The following TAB2 variants were observed in gnomAD, a reference collection of about 807,000 sequenced individuals.
TAB2 encodes TGF-beta-activated kinase 1 and MAP3K7-binding protein 2.
A neutral mutation model predicts 65.0 loss-of-function variants in TAB2; 3 were observed. The ratio of observed to expected loss-of-function variants is 0.05; its 90% CI spans 0.02 to 0.12. The LOEUF is 0.12. TAB2 is among the 10% of genes least tolerant of loss of function. The pLI is 1.00. For synonymous variants in TAB2, 298 were observed against 285.1 expected (o/e 1.05, Z -0.46); for missense variants, 623 against 840.3 (o/e 0.74, Z 3.20).
chr6:149,312,690 C>A (rs898006667), intron 1 of TAB2, among the ~76,000 whole-genome samples: 3 of 152,162 alleles, frequency 2.0e-5, no homozygotes, highest in Non-Finnish European at 1.5e-5. Flanking sequence ...CGCTAAAATT[C>A]TTTGCTTTTC....
At chr6:149,370,228 G>A (rs1327802767) in intron 2 of TAB2, 129 bp downstream of exon 2, 1 of 850,696 alleles carries the variant, frequency 1.2e-6, no homozygotes. Context: ...ATAAGCTTTG[G>A]TGTCTGATAG....
At chr6:149,285,585 T>C (rs1778662408) in intron 1 of TAB2, among the ~76,000 whole-genome samples, 1 of 152,226 alleles carries the variant, frequency 6.6e-6, no homozygotes, top group Non-Finnish European at 1.5e-5. Context: ...ACTTGTGTGA[T>C]ACTTACATAC....
intron 1 of TAB2, among the ~76,000 whole-genome samples, chr6:149,333,515 G>A (rs928065555): frequency 1.3e-5 from 2 of 152,086 alleles, no homozygotes; most frequent in East Asian, 3.8e-4. Context: ...TGTCTTCTAC[G>A]CAGTCCTTCT....
intron 3 of TAB2, among the ~76,000 whole-genome samples, chr6:149,393,888 A>C (rs1377240412): frequency 6.6e-6 from 1 of 151,896 alleles, no homozygotes. Flanking sequence ...GCTGCCCTCA[A>C]GATTTTCTTT....
At chr6:149,234,952 T>C (rs751740334) in intron 1 of TAB2, among the ~76,000 whole-genome samples, 2 of 150,240 alleles carry the variant, frequency 1.3e-5, no homozygotes, top group Non-Finnish European at 3.0e-5. Flanking sequence ...GTAACAAGAA[T>C]AAACACTAAG....
intron 3 of TAB2, 145 bp from the exon 4 acceptor site, chr6:149,397,459 G>A: frequency 1.1e-6 from 1 of 883,154 alleles, no homozygotes; most frequent in Non-Finnish European, 1.8e-6. Context: ...AAAAAAAATT[G>A]AAATTTTAAA....
At chr6:149,381,049 G>A (rs1243441379) in intron 3 of TAB2, among the ~76,000 whole-genome samples, 1 of 152,144 alleles carries the variant, frequency 6.6e-6, no homozygotes, top group Non-Finnish European at 1.5e-5. Context: ...TGAGGTTGCA[G>A]GGCACCACTG....
At chr6:149,264,486 G>T (rs1412052167) in intron 1 of TAB2, among the ~76,000 whole-genome samples, 1 of 142,552 alleles carries the variant, frequency 7.0e-6, no homozygotes, top group Admixed American at 7.0e-5. Context: ...TACTTTTTTT[G>T]GTAAAAATTG....
chr6:149,315,028 A>G (rs1053459255), upstream of TAB2, among the ~76,000 whole-genome samples: 1 of 152,176 alleles, frequency 6.6e-6, no homozygotes, highest in Non-Finnish European at 1.5e-5. Flanking sequence ...ACTCCTAACT[A>G]TTTTTGTCCC....
chr6:149,328,811 A>G (rs917363583), intron 1 of TAB2, among the ~76,000 whole-genome samples: 2 of 152,176 alleles, frequency 1.3e-5, no homozygotes, highest in Non-Finnish European at 2.9e-5. Flanking sequence ...AGTGTCTCCT[A>G]TGGATAAGGA....
At chr6:149,321,176 C>T (rs1027055320) in intron 1 of TAB2, 1 of 152,046 alleles carries the variant, frequency 6.6e-6, no homozygotes, top group African/African-American at 2.4e-5. Flanking sequence ...TTCTGACACT[C>T]TATATATGTC....
chr6:149,326,744 C>T (rs1033513815), intron 1 of TAB2, among the ~76,000 whole-genome samples: 2 of 152,124 alleles, frequency 1.3e-5, no homozygotes, highest in African/African-American at 2.4e-5. Context: ...GACAGGGTTT[C>T]ACCATGTTGG....
At chr6:149,381,740 C>G (rs1244769812) in intron 3 of TAB2, among the ~76,000 whole-genome samples, 1 of 151,684 alleles carries the variant, frequency 6.6e-6, no homozygotes, top group Non-Finnish European at 1.5e-5. Context: ...ATCCAGCTAA[C>G]TTTTTGTATT....
Position 149,284,244 on chromosome 6 carries a change from A to C in TAB2, c.-121+65468A>C, listed in dbSNP as rs569233514. Among the ~76,000 whole-genome samples, 3 of 152,262 alleles carry C rather than the reference A, an allele frequency of 2.0e-5. No individual in the cohort carries two copies. In the East Asian group the frequency reaches 5.8e-4, roughly 29 times the overall value. Reference sequence around the variant, plus strand: ...AAAATGCTTTGTCCCCCACATACCCAGCCTGAGTGCCTCTTGCCAACCTCT... The same window carrying C: ...AAAATGCTTTGTCCCCCACATACCCCGCCTGAGTGCCTCTTGCCAACCTCT... On this transcript the variant is annotated intron_variant, in intron 1 of 1. Coordinates refer to the TAB2 transcript ENST00000606202.
chr6:149,371,166 A>C (rs1465671689), intron 2 of TAB2, among the ~76,000 whole-genome samples: 1 of 151,934 alleles, frequency 6.6e-6, no homozygotes, highest in African/African-American at 2.4e-5. Flanking sequence ...ATTTTTATCA[A>C]ATCTGTAATT....
chr6:149,277,823 A>G (rs1778504301), intron 1 of TAB2, among the ~76,000 whole-genome samples: 1 of 152,220 alleles, frequency 6.6e-6, no homozygotes. Flanking sequence ...GAGTCAAAAC[A>G]GAAACATCAG....
intron 1 of TAB2, among the ~76,000 whole-genome samples, chr6:149,271,948 G>A (rs1465150425): frequency 1.3e-5 from 2 of 152,080 alleles, no homozygotes; most frequent in Non-Finnish European, 2.9e-5. Context: ...AGCATCAACA[G>A]TGTCAGACGC....
intron 1 of TAB2, among the ~76,000 whole-genome samples, chr6:149,298,256 CAT>C (rs1274869176): frequency 6.6e-6 from 1 of 151,634 alleles, no homozygotes; most frequent in Admixed American, 6.6e-5. Context: ...TGGGAAAAGA[CAT>C]ATAGTTTTTA....
intron 1 of TAB2, among the ~76,000 whole-genome samples, chr6:149,326,183 A>G (rs1779610515): frequency 6.6e-6 from 1 of 152,210 alleles, no homozygotes; most frequent in Non-Finnish European, 1.5e-5. Flanking sequence ...TAATTATTAC[A>G]GCAAAATAGT....
Sources: gnomAD v4.1 joint callset for allele counts (sites outside exome capture counted in the v4.1 genomes callset) on GRCh38, gnomAD v4.1.1 for gene constraint, MANE v1.5 for transcripts, NCBI Gene and HGNC (gene_info 2026-07-23, HGNC 2026-07-21) for gene names.